CCDC88C: variants seen among roughly 807,000 people sequenced by gnomAD.
CCDC88C encodes the protein coiled-coil and HOOK domain protein 88C, also known as protein Daple.
In CCDC88C, 131 loss-of-function variants were observed where a neutral mutation model predicts 198.8. The observed-to-expected ratio is 0.66, with a 90% CI of 0.57 to 0.76. The LOEUF is 0.76. CCDC88C is among the 30% of genes least tolerant of loss of function. The pLI, the probability that CCDC88C is intolerant of heterozygous loss-of-function variation, is 0.00. For missense variants in CCDC88C, 2,553 were observed against 2,631.6 expected (o/e 0.97, Z 0.65); for synonymous variants, 1,166 against 1,114.7 (o/e 1.05, Z -0.92).
At chr14:91,386,516 G>C (rs1387873147) in intron 3 of CCDC88C, among the ~76,000 whole-genome samples, 1 of 152,156 alleles carries the variant, frequency 6.6e-6, no homozygotes, top group Non-Finnish European at 1.5e-5. Flanking sequence ...AGAACCGACA[G>C]GGCCTGTGCA....
In CCDC88C at chr14:91,328,004, G is replaced by A. The variant is rs114396805; in HGVS notation, c.1051-1948C>T. Among the ~76,000 whole-genome samples, 1,301 of 152,290 alleles carry A rather than the reference G, an allele frequency of 8.5e-3. 24 individuals carry two copies. The highest frequency in any genetic ancestry group is 0.028 in the African/African-American group (1,182 of 41,550). ...GTCTGCTCTGAGGCCACAGCAGGCC[G>A]GCCTGTTCCTCCCCCAGACCAGGAA... On this transcript the variant is annotated intron_variant, in intron 10 of 29. Coordinates refer to ENST00000389857, the MANE Select transcript of CCDC88C (RefSeq NM_001080414.4).
intron 3 of CCDC88C, among the ~76,000 whole-genome samples, chr14:91,407,078 C>T (rs7156457): frequency 3.1e-4 from 47 of 150,894 alleles, no homozygotes; most frequent in Non-Finnish European, 4.9e-4. Context: ...AGGCAAACTA[C>T]GCCAGCCCCC....
Position 91,294,300 on chromosome 14 carries a change from C to T in CCDC88C, c.3985G>A (p.Gly1329Arg). Residue 1329 changes from glycine to arginine, a missense_variant, in exon 23 of 30, where the codon GGG (glycine) becomes AGG (arginine). Coordinates refer to ENST00000389857, the MANE Select transcript of CCDC88C (RefSeq NM_001080414.4). ...TGATGATTTTCTTCCTCCAAGTTCC[C>T]CTTGAGACGGGAGAGCAGCTAGAAC... is the stretch of plus-strand genomic sequence containing the variant. ...NHCELLSRLK[G>R]NLEEENHHLL... The T allele has an allele frequency of 6.2e-7, 1 of 1,613,980 alleles. No individual in the cohort carries two copies. Among genetic ancestry groups the T allele is most frequent in the Middle Eastern group, 1.6e-4 (1 of 6,062 alleles).
At chr14:91,370,481 G>T (rs1018236834) in intron 3 of CCDC88C, among the ~76,000 whole-genome samples, 1 of 152,174 alleles carries the variant, frequency 6.6e-6, no homozygotes, top group African/African-American at 2.4e-5. Flanking sequence ...TTGCTCTGTG[G>T]GCAGACCTGT....
rs376417403 is a variant in CCDC88C, at chr14:91,324,958, G to A, written c.1198-35C>T. ...GCAAGAAGAGGCAAGAAGTGAGGCT[G>A]CACAGCTGGAGATCCCCCTGGACAA... On this transcript the variant is annotated intron_variant, in intron 11 of 29. Coordinates refer to ENST00000389857, the MANE Select transcript of CCDC88C (RefSeq NM_001080414.4). 48 of 1,611,504 alleles carry A rather than the reference G, an allele frequency of 3.0e-5. No homozygotes were observed. The African/African-American group carries it at 5.9e-4, about 20-fold the overall frequency.
intron 14 of CCDC88C, among the ~76,000 whole-genome samples, chr14:91,315,077 G>A (rs953851358): frequency 3.3e-5 from 5 of 152,144 alleles, no homozygotes; most frequent in Non-Finnish European, 7.3e-5. Flanking sequence ...CCAACGTGAC[G>A]TCTACGGAGC....
At chr14:91,295,396 C>T (rs925194679) in intron 22 of CCDC88C, among the ~76,000 whole-genome samples, 1 of 152,166 alleles carries the variant, frequency 6.6e-6, no homozygotes, top group Admixed American at 6.5e-5. Flanking sequence ...GAGAACTGCA[C>T]GAGGCTTGGG....
chr14:91,289,397 G>A lies in CCDC88C; in HGVS notation c.4203-54C>T, dbSNP rs564045953. ...GCCAGCCCTCCCACACACCCCCAGT[G>A]GGTCCCTGGTTCCCTAACATGGGCT... On this transcript the variant is annotated intron_variant, in intron 24 of 29. Transcript: ENST00000389857. The A allele has an allele frequency of 2.1e-5, 31 of 1,499,848 alleles. No individual in the cohort carries two copies. In the East Asian group the frequency reaches 7.0e-4, roughly 34 times the overall value. The allele number at this position is 1,499,848 out of a possible 1,614,324, so 92.9% of individuals were successfully genotyped here. A position where few individuals can be genotyped will look rare whatever the true frequency, so the allele number is the denominator to read the frequency against.
intron 3 of CCDC88C, among the ~76,000 whole-genome samples, chr14:91,382,402 A>G (rs969873564): frequency 6.6e-6 from 1 of 151,940 alleles, no homozygotes; most frequent in African/African-American, 2.4e-5. Context: ...TATGCAAAAC[A>G]TGAGAACACA....
chr14:91,371,959 G>A lies in CCDC88C; in HGVS notation c.271-12248C>T, dbSNP rs1326276410. On this transcript the variant is annotated intron_variant, in intron 3 of 29. Transcript: ENST00000389857. This position sits in a 1 kb window ranked among gnomAD's most constrained non-coding sequence, Gnocchi z 4.2. ...GCTGGGACCTGTGAGGGTGGGAAAG[G>A]CAGGCAGTGGGGGCAGCCAGCCCCC... 2.0e-5 allele frequency among the ~76,000 whole-genome samples: 3 copies of A among 152,196 alleles called. No individual in the cohort carries two copies. The East Asian group carries it at 5.8e-4, about 29-fold the overall frequency.
intron 12 of CCDC88C, 141 bp from the exon 13 acceptor site, chr14:91,321,445 C>T (rs1596068726): frequency 3.5e-6 from 3 of 845,474 alleles, no homozygotes; most frequent in Admixed American, 2.3e-5. Flanking sequence ...AGCTGGGGAC[C>T]CTTCCTCCTG....
intron 3 of CCDC88C, among the ~76,000 whole-genome samples, chr14:91,388,235 A>T (rs766441053): frequency 2.6e-5 from 4 of 152,142 alleles, no homozygotes; most frequent in Non-Finnish European, 5.9e-5. Flanking sequence ...GCCCTAACCA[A>T]TGTATGACCA....
intron 10 of CCDC88C, among the ~76,000 whole-genome samples, chr14:91,330,170 G>C (rs940525872): frequency 3.3e-5 from 5 of 152,242 alleles, no homozygotes; most frequent in African/African-American, 1.2e-4. Flanking sequence ...AAACAGACAG[G>C]AAAGTGCCAC....
chr14:91,275,088 G>C (rs552921192), intron 29 of CCDC88C, among the ~76,000 whole-genome samples: 79 of 152,308 alleles, frequency 5.2e-4, no homozygotes, highest in African/African-American at 1.8e-3. Flanking sequence ...GTGTACATTA[G>C]GGGCCTTGTG....
intron 29 of CCDC88C, among the ~76,000 whole-genome samples, chr14:91,275,531 G>T (rs902260674): frequency 6.6e-6 from 1 of 151,292 alleles, no homozygotes; most frequent in Non-Finnish European, 1.5e-5. Context: ...AGGCTGGAGT[G>T]CAGTGGCACA....
At chr14:91,374,227 A>C (rs967639061) in intron 3 of CCDC88C, among the ~76,000 whole-genome samples, 6 of 152,226 alleles carry the variant, frequency 3.9e-5, no homozygotes, top group Non-Finnish European at 8.8e-5. Context: ...AACAGCAATA[A>C]ATCAGCATGC....
At chr14:91,409,265 T>C (rs1201848752) in intron 2 of CCDC88C, among the ~76,000 whole-genome samples, 1 of 151,472 alleles carries the variant, frequency 6.6e-6, no homozygotes, top group East Asian at 1.9e-4. Context: ...CACAGATCAC[T>C]ACAGCCTCGA....
chr14:91,417,104 A>G, intron 1 of CCDC88C: 1 of 702,868 alleles, frequency 1.4e-6, no homozygotes, highest in African/African-American at 1.7e-5. Flanking sequence ...TAAAAATAAA[A>G]AGGACTTTTC....
Position 91,313,949 on chromosome 14 carries a change from C to A in CCDC88C, c.1867G>T (p.Ala623Ser), listed in dbSNP as rs754440773. ...TCTGCCCGCTCCCCCTTCTCCTTGG[C>A]CTGCTCCAAGTCCCTGTGCAGCTGC... is the stretch of plus-strand genomic sequence containing the variant. ...KRQLHRDLEQAKEKGERAEKL... is the reference protein window; with the variant it reads ...KRQLHRDLEQSKEKGERAEKL... The change falls in exon 15 of 30, where the codon GCC (alanine) becomes TCC (serine). Residue 623 changes from alanine (A) to serine (S), a missense_variant. This residue lies in a region of CCDC88C where 1,260 missense variants were observed against 1,412.0 expected (regional missense o/e 0.89). Transcript: ENST00000389857. This position sits in a 1 kb window ranked among gnomAD's most constrained non-coding sequence, Gnocchi z 5.2. 5.0e-6 allele frequency: 8 copies of A among 1,613,572 alleles called. No individual in the cohort carries two copies. Among genetic ancestry groups the A allele is most frequent in the Middle Eastern group, 1.6e-4 (1 of 6,062 alleles).
Sources: gnomAD v4.1 joint callset for allele counts (sites outside exome capture counted in the v4.1 genomes callset) on GRCh38, gnomAD v4.1.1 for gene constraint, gnomAD v4.1.1 regional missense constraint, Gnocchi (gnomAD v3.1) non-coding constraint, MANE v1.5 for transcripts, NCBI Gene and HGNC (gene_info 2026-07-23, HGNC 2026-07-21) for gene names.